EPB41L2: variants seen among roughly 807,000 people sequenced by gnomAD.
The protein encoded by EPB41L2 is erythrocyte membrane protein band 4.1 like 2.
In EPB41L2, 43 loss-of-function variants were observed where a neutral mutation model predicts 113.0. The observed-to-expected ratio is 0.38, with a 90% CI of 0.30 to 0.49. EPB41L2 has a LOEUF of 0.49. EPB41L2 is among the 20% of genes least tolerant of loss of function. The probability of loss-of-function intolerance (pLI) is 0.95; values close to 1 mark genes in which losing one functional copy is unlikely to be tolerated. For synonymous variants in EPB41L2, 442 were observed against 436.7 expected (o/e 1.01, Z -0.15); for missense variants, 1,147 against 1,223.4 (o/e 0.94, Z 0.93).
chr6:130,907,685 A>G (rs1453606646), intron 5 of EPB41L2, among the ~76,000 whole-genome samples: 2 of 152,298 alleles, frequency 1.3e-5, no homozygotes, highest in East Asian at 3.9e-4. Context: ...GTAGGGAAGC[A>G]AAGAAATGAC....
rs191098585 is a variant in EPB41L2, at chr6:130,928,683, G to A, written c.706-1974C>T. Among the ~76,000 whole-genome samples, 12 of 152,318 alleles carry A rather than the reference G, an allele frequency of 7.9e-5. No individual in the cohort carries two copies. In the East Asian group the frequency reaches 2.3e-3, roughly 29 times the overall value. ...ATTAAGAGGAAAAAACATCCACACA[G>A]CTCACCACTACAATTTGGCAGTACA... On this transcript the variant is annotated intron_variant, in intron 3 of 19. Coordinates refer to ENST00000337057, the MANE Select transcript of EPB41L2 (RefSeq NM_001431.4).
In EPB41L2 at chr6:130,867,520, G is replaced by A; in HGVS notation, c.2669C>T (p.Ser890Phe). ...ISDASQRTEI[S>F]TKEVPIVQTE... The stretch of plus-strand genomic sequence containing the variant: ...TTGGACAATGGGGACTTCCTTGGTG[G>A]AGATTTCTGTCCTTTGTGAGGCATC... The change falls in exon 16 of 20, where the codon TCC becomes TTC. Residue 890 changes from serine (S) to phenylalanine (F), a missense_variant. By Grantham distance (155) the Ser-to-Phe change is radical. Transcript: ENST00000337057. 1 of 1,614,006 alleles carries A rather than the reference G, an allele frequency of 6.2e-7. No homozygotes were observed. Among genetic ancestry groups the A allele is most frequent in the African/African-American group, 1.3e-5 (1 of 75,046 alleles).
intron 1 of EPB41L2, among the ~76,000 whole-genome samples, chr6:131,042,490 CTCTT>C (rs1383421450): frequency 6.6e-6 from 1 of 152,090 alleles, no homozygotes; most frequent in Non-Finnish European, 1.5e-5. Context: ...TTATTCTGCC[CTCTT>C]TATTTATACA....
intron 3 of EPB41L2, among the ~76,000 whole-genome samples, chr6:130,928,005 A>C (rs1296355267): frequency 3.3e-5 from 5 of 152,240 alleles, no homozygotes; most frequent in African/African-American, 1.2e-4. Context: ...GGGTGGAAGG[A>C]TTGCTTAAGC....
intron 4 of EPB41L2, among the ~76,000 whole-genome samples, chr6:130,923,570 A>G (rs775245225): frequency 6.6e-6 from 1 of 152,134 alleles, no homozygotes; most frequent in Non-Finnish European, 1.5e-5. Flanking sequence ...TCACCCAGCC[A>G]AAGTCCACTC....
At chr6:131,060,918 C>A (rs939985433) in intron 1 of EPB41L2, among the ~76,000 whole-genome samples, 3 of 152,154 alleles carry the variant, frequency 2.0e-5, no homozygotes, top group Non-Finnish European at 4.4e-5. Context: ...TGGCAGTTTA[C>A]ATTTTTTACA....
intron 6 of EPB41L2, among the ~76,000 whole-genome samples, chr6:130,903,426 T>C (rs1796847637): frequency 6.6e-6 from 1 of 151,654 alleles, no homozygotes; most frequent in Admixed American, 6.6e-5. Context: ...CGGCCTGCTA[T>C]GTACCCAATA....
chr6:130,974,883 G>A (rs1174477387), intron 1 of EPB41L2, among the ~76,000 whole-genome samples: 1 of 151,574 alleles, frequency 6.6e-6, no homozygotes, highest in Admixed American at 6.6e-5. Context: ...TCAGCCTCCC[G>A]AGTACCTGGG....
intron 14 of EPB41L2, among the ~76,000 whole-genome samples, chr6:130,874,798 C>A (rs763937246): frequency 6.6e-5 from 10 of 152,136 alleles, no homozygotes; most frequent in Admixed American, 2.6e-4. Flanking sequence ...TTACACTGTA[C>A]ATTCCTAAAA....
chr6:130,869,608 G>A lies in EPB41L2; in HGVS notation c.2562C>T (p.Ser854=). ...EEPQKVNGEV[S]HVDIDVLPQI... ...GTGGCAAAACATCAATGTCAACATG[G>A]GACACCTCTCCGTTAACTTTCTGTG... is the stretch of plus-strand genomic sequence containing the variant. Residue 854 remains serine (S), a synonymous_variant, in exon 15 of 20, where the codon TCC becomes TCT. Transcript: ENST00000337057. 1 of 1,614,036 alleles carries A rather than the reference G, an allele frequency of 6.2e-7. No homozygotes were observed. The highest frequency in any genetic ancestry group is 8.5e-7 in the Non-Finnish European group (1 of 1,179,996).
chr6:131,050,458 T>A (rs1796295388), intron 1 of EPB41L2, among the ~76,000 whole-genome samples: 1 of 152,168 alleles, frequency 6.6e-6, no homozygotes, highest in Non-Finnish European at 1.5e-5. Flanking sequence ...AATGTCTAAA[T>A]CTCTAAAACC....
intron 1 of EPB41L2, among the ~76,000 whole-genome samples, chr6:131,059,898 CTAAA>C (rs1273245242): frequency 6.6e-6 from 1 of 152,108 alleles, no homozygotes; most frequent in African/African-American, 2.4e-5. Flanking sequence ...GGAAATGTTT[CTAAA>C]TAAAGGTGGG....
intron 4 of EPB41L2, among the ~76,000 whole-genome samples, chr6:130,915,758 T>C (rs1800833371): frequency 6.6e-6 from 1 of 152,196 alleles, no homozygotes; most frequent in Admixed American, 6.5e-5. Context: ...TGTCTCATGA[T>C]AGTGAATGGG....
chr6:130,843,925 A>G (rs1776243655), intron 19 of EPB41L2, among the ~76,000 whole-genome samples: 1 of 152,182 alleles, frequency 6.6e-6, no homozygotes, highest in Non-Finnish European at 1.5e-5. Context: ...GTGGTGAAAA[A>G]AGTCCATACA....
At chr6:130,968,079 C>T (rs1775799513) in intron 1 of EPB41L2, among the ~76,000 whole-genome samples, 1 of 150,814 alleles carries the variant, frequency 6.6e-6, no homozygotes, top group African/African-American at 2.5e-5. Flanking sequence ...CATCATAAAA[C>T]TCGTGCCCAC....
At chr6:131,037,832 G>A (rs1793666830) in intron 1 of EPB41L2, among the ~76,000 whole-genome samples, 1 of 151,942 alleles carries the variant, frequency 6.6e-6, no homozygotes, top group South Asian at 2.1e-4. Flanking sequence ...CAAGTGATTT[G>A]CACAGCTCAG....
chr6:130,964,436 C>T (rs1236144549), intron 1 of EPB41L2, among the ~76,000 whole-genome samples: 1 of 151,868 alleles, frequency 6.6e-6, no homozygotes. Flanking sequence ...TGCTTATTAG[C>T]CATGTAACCG....
At chr6:130,865,752 A>T (rs1443452877) in intron 16 of EPB41L2, 118 bp from the exon 17 acceptor site, 1 of 1,021,560 alleles carries the variant, frequency 9.8e-7, no homozygotes, top group African/African-American at 1.6e-5. Flanking sequence ...GCGTGTTTGC[A>T]GTAGTAATTA....
At chr6:131,001,461 C>T (rs1784369735) in intron 1 of EPB41L2, among the ~76,000 whole-genome samples, 2 of 152,126 alleles carry the variant, frequency 1.3e-5, no homozygotes, top group South Asian at 4.1e-4. Context: ...TTATAAGAAG[C>T]GCAGAGTGCT....
Sources: allele counts gnomAD v4.1 joint callset (sites outside exome capture counted in the v4.1 genomes callset), GRCh38; gene constraint gnomAD v4.1.1; transcripts MANE v1.5; gene names NCBI Gene and HGNC (gene_info 2026-07-23, HGNC 2026-07-21).